Variants in VPS8 observed in about 807,000 individuals in gnomAD.
VPS8 encodes the protein vacuolar protein sorting-associated protein 8 homolog.
A neutral mutation model predicts 216.4 loss-of-function variants in VPS8; 129 were observed. That is an observed-to-expected ratio of 0.60 (90% CI 0.52 to 0.69). The LOEUF is 0.69. Among genes scored for constraint, VPS8 ranks in the 30% least tolerant of loss-of-function variants. VPS8 has a pLI of 0.00. For missense variants in VPS8, 1,531 were observed against 1,683.5 expected (o/e 0.91, Z 1.59); for synonymous variants, 571 against 565.4 (o/e 1.01, Z -0.14).
At chr3:184,950,745 A>G (rs753982483) in intron 36 of VPS8, among the ~76,000 whole-genome samples, 2 of 151,754 alleles carry the variant, frequency 1.3e-5, no homozygotes, top group Admixed American at 6.6e-5. Context: ...AGGCCCTGGT[A>G]TGTGTTCTTC....
chr3:184,860,458 TACACAC>T (rs1471948668), intron 15 of VPS8, among the ~76,000 whole-genome samples: 1 of 77,938 alleles, frequency 1.3e-5, no homozygotes, highest in African/African-American at 5.3e-5. Flanking sequence ...TATGTATGTA[TACACAC>T]ACATACACAC....
At chr3:184,832,905 A>C in intron 4 of VPS8, 86 bp downstream of exon 4, 1 of 1,483,828 alleles carries the variant, frequency 6.7e-7, no homozygotes. Flanking sequence ...AAAGTACAAT[A>C]TGGTCTGTTG....
intron 33 of VPS8, 130 bp downstream of exon 33, chr3:184,929,794 C>A: frequency 1.8e-6 from 1 of 547,378 alleles, no homozygotes; most frequent in South Asian, 2.7e-5. Flanking sequence ...AAAACAGATA[C>A]AGTTCTTGCA....
chr3:184,987,035 A>T (rs186097558), intron 42 of VPS8, among the ~76,000 whole-genome samples: 1 of 152,212 alleles, frequency 6.6e-6, no homozygotes, highest in East Asian at 1.9e-4. Context: ...CACCATTACC[A>T]TATCATACAC....
chr3:184,957,626 A>G, intron 37 of VPS8, 105 bp downstream of exon 37: 2 of 1,347,162 alleles, frequency 1.5e-6, no homozygotes, highest in South Asian at 1.6e-5. Flanking sequence ...TCTTTTTTAA[A>G]CCTTATAAAT....
intron 36 of VPS8, among the ~76,000 whole-genome samples, chr3:184,956,964 T>C (rs1000155648): frequency 1.8e-4 from 27 of 152,298 alleles, no homozygotes; most frequent in Middle Eastern, 3.4e-3. Flanking sequence ...GTCATTGCAA[T>C]GTGATATGAT....
Position 184,930,465 on chromosome 3 carries a change from T to C in VPS8, c.2800-5T>C. The C allele has an allele frequency of 4.4e-6, 7 of 1,604,004 alleles. No homozygotes were observed. Among genetic ancestry groups the C allele is most frequent in the Non-Finnish European group, 6.0e-6 (7 of 1,171,142 alleles). ...GAATAAATTATATTGTCTTGTGCTC[T>C]TCAGGAAGAAGTCTTTAATTACATT... On this transcript the variant is annotated splice_polypyrimidine_tract_variant and splice_region_variant and intron_variant, in intron 33 of 47. Coordinates refer to ENST00000625842, the MANE Select transcript of VPS8 (RefSeq NM_001009921.3).
At chr3:185,024,468 T>C (rs2377256) in intron 46 of VPS8, 79 bp downstream of exon 46, 55,688 of 1,404,734 alleles carry the variant, frequency 0.04, 4,555 homozygotes, top group African/African-American at 0.33. Context: ...ATTCTCAACA[T>C]GGCAATGATT....
At chr3:184,954,115 TG>T (rs1263984242) in intron 36 of VPS8, among the ~76,000 whole-genome samples, 1 of 152,142 alleles carries the variant, frequency 6.6e-6, no homozygotes, top group Non-Finnish European at 1.5e-5. Context: ...TTACATTTAC[TG>T]GTTTATAATA....
rs568227321 is a variant in VPS8 at position 185,049,084 on chromosome 3, C to A, written c.4137+525C>A. ...CCTTCCTTAGCACATGACTTAAACT[C>A]GTATGGTTCAACATGGTTGCTTCCA... On this transcript the variant is annotated intron_variant, in intron 47 of 47. Transcript: ENST00000625842. Among the ~76,000 whole-genome samples the A allele has an allele frequency of 2.0e-5, 3 of 152,178 alleles. No individual in the cohort carries two copies. The South Asian group carries it at 6.2e-4, about 32-fold the overall frequency.
At chr3:184,874,965 T>C (rs566085978) in intron 21 of VPS8, among the ~76,000 whole-genome samples, 16 of 152,036 alleles carry the variant, frequency 1.1e-4, no homozygotes, top group Non-Finnish European at 1.6e-4. Flanking sequence ...GACCTACTTA[T>C]GATGTAACAG....
intron 13 of VPS8, among the ~76,000 whole-genome samples, 179 bp from the exon 14 acceptor site, chr3:184,855,532 A>G (rs1427924351): frequency 2.0e-5 from 3 of 152,222 alleles, no homozygotes; most frequent in Non-Finnish European, 4.4e-5. Flanking sequence ...GATGTAGAAC[A>G]TTACCATCAA....
intron 1 of VPS8, among the ~76,000 whole-genome samples, chr3:184,819,580 T>TAGCA (rs1717101734): frequency 6.6e-6 from 1 of 152,220 alleles, no homozygotes; most frequent in Non-Finnish European, 1.5e-5. Flanking sequence ...GTGCATATAT[T>TAGCA]GGAATGAAGG....
intron 22 of VPS8, among the ~76,000 whole-genome samples, chr3:184,887,586 G>A (rs1419978258): frequency 6.6e-6 from 1 of 152,184 alleles, no homozygotes; most frequent in Admixed American, 6.5e-5. Flanking sequence ...CCAAAACTCA[G>A]TCCCACAGCT....
At chr3:184,999,525 A>T (rs1753110064) in intron 44 of VPS8, among the ~76,000 whole-genome samples, 171 bp from the exon 45 acceptor site, 1 of 152,234 alleles carries the variant, frequency 6.6e-6, no homozygotes, top group East Asian at 1.9e-4. Context: ...GTGGATTTTT[A>T]AAAAGAGAGG....
Position 184,894,938 on chromosome 3 carries a change from A to G in VPS8, c.2004+13A>G. On this transcript the variant is annotated intron_variant, in intron 23 of 47. Transcript: ENST00000625842. ...AGATATTCAGCAGGTGAGTTTATAG[A>G]CAGTCTACTAACTTATGAAATAAAC... The G allele has an allele frequency of 6.3e-7, 1 of 1,578,814 alleles. No individual in the cohort carries two copies. Among genetic ancestry groups the G allele is most frequent in the South Asian group, 1.1e-5 (1 of 87,116 alleles).
intron 45 of VPS8, among the ~76,000 whole-genome samples, 162 bp from the exon 46 acceptor site, chr3:185,024,174 T>G (rs1425136733): frequency 6.6e-6 from 1 of 152,182 alleles, no homozygotes; most frequent in East Asian, 1.9e-4. Flanking sequence ...CCAGAAAAAT[T>G]TCAAGGGGAC....
intron 11 of VPS8, 99 bp from the exon 12 acceptor site, chr3:184,853,758 G>A (rs1724735549): frequency 8.3e-7 from 1 of 1,210,928 alleles, no homozygotes; most frequent in Admixed American, 2.2e-5. Context: ...GGGGGTTAAG[G>A]AGGTAGGAGG....
At chr3:184,944,044 C>CAT (rs976415882) in intron 36 of VPS8, among the ~76,000 whole-genome samples, 1 of 41,038 alleles carries the variant, frequency 2.4e-5, no homozygotes, top group African/African-American at 9.0e-5. Context: ...AGAGGTTGCA[C>CAT]ACACACACAC....
Sources: allele counts gnomAD v4.1 joint callset (sites outside exome capture counted in the v4.1 genomes callset), GRCh38; gene constraint gnomAD v4.1.1; transcripts MANE v1.5; gene names NCBI Gene and HGNC (gene_info 2026-07-23, HGNC 2026-07-21).